SLC39A10: variants seen among roughly 807,000 people sequenced by gnomAD.
SLC39A10 encodes the protein solute carrier family 39 member 10.
SLC39A10 carries 13 observed loss-of-function variants against 65.1 expected under a neutral mutation model. That is an observed-to-expected ratio of 0.20 (90% CI 0.13 to 0.32). The LOEUF is 0.32. Among genes scored for constraint, SLC39A10 ranks in the 10% least tolerant of loss-of-function variants. The probability of loss-of-function intolerance (pLI) is 1.00; values close to 1 mark genes in which losing one functional copy is unlikely to be tolerated. For synonymous variants in SLC39A10, 321 were observed against 342.2 expected (o/e 0.94, Z 0.68); for missense variants, 831 against 1,018.4 (o/e 0.82, Z 2.50).
chr2:195,627,867 A>G (rs769185105), intron 2 of SLC39A10, among the ~76,000 whole-genome samples: 1 of 152,222 alleles, frequency 6.6e-6, no homozygotes, highest in South Asian at 2.1e-4. Context: ...TGCTTCTGGG[A>G]CTGTCTACTG....
chr2:195,636,186 G>A (rs756934211), intron 2 of SLC39A10, among the ~76,000 whole-genome samples: 27 of 152,146 alleles, frequency 1.8e-4, no homozygotes, highest in Non-Finnish European at 3.5e-4. Flanking sequence ...ATATTTGTAT[G>A]AGACTCAATA....
intron 1 of SLC39A10, chr2:195,658,158 C>G (rs1390264498): frequency 6.6e-6 from 1 of 152,574 alleles, no homozygotes; most frequent in Middle Eastern, 3.4e-3. Flanking sequence ...CTCCTTGCCT[C>G]TCCTGGGGTC....
chr2:195,669,203 T>C (rs948321469), intron 1 of SLC39A10, among the ~76,000 whole-genome samples: 1 of 152,228 alleles, frequency 6.6e-6, no homozygotes, highest in African/African-American at 2.4e-5. Context: ...CTAAATTTAT[T>C]CACAATGTCT....
At chr2:195,669,596 A>G (rs1297788316) in intron 1 of SLC39A10, among the ~76,000 whole-genome samples, 1 of 152,246 alleles carries the variant, frequency 6.6e-6, no homozygotes, top group Non-Finnish European at 1.5e-5. Context: ...CCATTTGTAT[A>G]TATTCCTACT....
At chr2:195,622,921 G>A (rs1249195024) in intron 2 of SLC39A10, among the ~76,000 whole-genome samples, 7 of 143,920 alleles carry the variant, frequency 4.9e-5, no homozygotes, top group African/African-American at 1.6e-4. Context: ...GCAGTGAGCC[G>A]AGATGGCGCC....
intron 8 of SLC39A10, among the ~76,000 whole-genome samples, chr2:195,719,909 GC>G (rs1471872480): frequency 6.6e-6 from 1 of 151,618 alleles, no homozygotes; most frequent in Non-Finnish European, 1.5e-5. Context: ...TCCTGCCTCA[GC>G]CTCCTGAGTA....
chr2:195,719,182 G>A (rs143324004), intron 8 of SLC39A10, among the ~76,000 whole-genome samples: 9 of 150,528 alleles, frequency 6.0e-5, no homozygotes, highest in East Asian at 5.9e-4. Flanking sequence ...AGAAATGAGC[G>A]CTAGAAATGA....
rs529001225 is a variant in SLC39A10, at chr2:195,662,851, G to T, written c.-12+5570G>T. On this transcript the variant is annotated intron_variant, in intron 1 of 9. Coordinates refer to ENST00000359634, the MANE Select transcript of SLC39A10 (RefSeq NM_020342.3). ...GTGTGTATTGTCTATAGCTGCTCTT[G>T]CGGTAAAATACTTTAGTAGAAAAAT... is the stretch of plus-strand genomic sequence containing the variant. 4.6e-5 allele frequency among the ~76,000 whole-genome samples: 7 copies of T among 152,264 alleles called. No individual in the cohort carries two copies. The East Asian group carries it at 9.6e-4, about 21-fold the overall frequency.
At chr2:195,721,446 A>G (rs1692034109) in intron 8 of SLC39A10, among the ~76,000 whole-genome samples, 1 of 151,630 alleles carries the variant, frequency 6.6e-6, no homozygotes, top group South Asian at 2.1e-4. Flanking sequence ...TCATGTTAAG[A>G]ATCTTCAACT....
intron 3 of SLC39A10, among the ~76,000 whole-genome samples, chr2:195,695,305 C>G (rs1205045928): frequency 1.3e-5 from 2 of 152,138 alleles, no homozygotes; most frequent in Non-Finnish European, 2.9e-5. Context: ...GATGTGGTTC[C>G]CAGGCCAATG....
intron 9 of SLC39A10, 104 bp from the exon 10 acceptor site, chr2:195,734,779 A>C: frequency 9.3e-7 from 1 of 1,079,884 alleles, no homozygotes; most frequent in Non-Finnish European, 1.3e-6. Context: ...TTTTGTCTGT[A>C]GTTACACTTC....
rs539670323 is a variant in SLC39A10 at position 195,737,561 on chromosome 2, G to GAATC, written c.*2522_*2525dup. ...TCTAAACTTTTGTTTTGTTTTAACT[G>GAATC]AATCATTTTTTAACTTAAAAAGCTG... On this transcript the variant is annotated 3_prime_UTR_variant, in exon 10 of 10. Transcript: ENST00000359634. The GAATC allele has an allele frequency of 3.3e-3, 580 of 176,498 alleles. 6 individuals are homozygous for GAATC. The highest frequency in any genetic ancestry group is 0.013 in the African/African-American group (522 of 41,438). The allele number at this position is 176,498 out of a possible 1,614,324, so 10.9% of individuals were successfully genotyped here.
In SLC39A10 at chr2:195,680,393, T is replaced by A; in HGVS notation, c.351T>A (p.Val117=). Residue 117 remains valine, a synonymous_variant, in exon 2 of 10, where the codon GTT becomes GTA. Coordinates refer to ENST00000359634, the MANE Select transcript of SLC39A10 (RefSeq NM_020342.3). ...DHVSHLDILA[V]QEGKHFHSHN... is the part of the protein sequence containing the mutation. ...TTTCTCATTTAGATATTTTGGCAGT[T>A]CAAGAGGGAAAGCATTTTCACTCAC... 6.2e-7 allele frequency: 1 copy of A among 1,614,104 alleles called. No homozygotes were observed. The highest frequency in any genetic ancestry group is 8.5e-7 in the Non-Finnish European group (1 of 1,180,026).
chr2:195,719,314 A>G (rs769806802), intron 8 of SLC39A10, among the ~76,000 whole-genome samples: 11 of 152,058 alleles, frequency 7.2e-5, no homozygotes, highest in Non-Finnish European at 1.5e-4. Context: ...AAAACTCTCC[A>G]TCCCGATTAC....
At chr2:195,667,495 C>A (rs938546915) in intron 1 of SLC39A10, among the ~76,000 whole-genome samples, 1 of 152,150 alleles carries the variant, frequency 6.6e-6, no homozygotes, top group Non-Finnish European at 1.5e-5. Flanking sequence ...GATGTGCTAA[C>A]GATGCATGTG....
At chr2:195,669,992 C>A (rs553181126) in intron 1 of SLC39A10, among the ~76,000 whole-genome samples, 3 of 152,236 alleles carry the variant, frequency 2.0e-5, no homozygotes, top group African/African-American at 7.2e-5. Context: ...AATCCTGTCT[C>A]TACTAAAAAT....
At chr2:195,629,793 C>T (rs746519563) in intron 2 of SLC39A10, among the ~76,000 whole-genome samples, 18 of 152,136 alleles carry the variant, frequency 1.2e-4, no homozygotes, top group Non-Finnish European at 2.5e-4. Flanking sequence ...AGTAAAGTGG[C>T]GATTGTAGCT....
Position 195,737,111 on chromosome 2 carries a change from T to TTATCTATC in SLC39A10, c.*2075_*2076insATCTATCT, listed in dbSNP as rs146730504. ...GTTTTATATTCTCTCAAAAATGGTA[T>TTATCTATC]TATCTTTCTTTATTTGCTAGATTCT... On this transcript the variant is annotated 3_prime_UTR_variant, in exon 10 of 10. Coordinates refer to ENST00000359634, the MANE Select transcript of SLC39A10 (RefSeq NM_020342.3). The TTATCTATC allele has an allele frequency of 3.9e-5, 6 of 152,572 alleles. No individual in the cohort carries two copies. The East Asian group carries it at 1.2e-3, about 29-fold the overall frequency. 9.5% of individuals were successfully genotyped at this position (152,572 alleles called of 1,614,324 possible).
At chr2:195,618,353 CA>C (rs34831034) in intron 2 of SLC39A10, among the ~76,000 whole-genome samples, 278 of 103,856 alleles carry the variant, frequency 2.7e-3, no homozygotes, top group African/African-American at 2.6e-3. Context: ...TCCGTCTCAC[CA>C]AAAAAAAAAA....
Sources: allele counts gnomAD v4.1 joint callset (sites outside exome capture counted in the v4.1 genomes callset), GRCh38; gene constraint gnomAD v4.1.1; transcripts MANE v1.5; gene names NCBI Gene and HGNC (gene_info 2026-07-23, HGNC 2026-07-21).